The following PIP4K2A variants were observed in gnomAD, a reference collection of about 807,000 sequenced individuals.
PIP4K2A encodes phosphatidylinositol-5-phosphate 4-kinase type 2 alpha.
Under a neutral mutation model 42.9 loss-of-function variants are expected in PIP4K2A, and 14 were observed. The ratio of observed to expected loss-of-function variants is 0.33; its 90% CI spans 0.22 to 0.51. The LOEUF (loss-of-function observed/expected upper bound fraction) is 0.51. Ranked by LOEUF, PIP4K2A falls within the 20% of genes least tolerant of loss-of-function variation. PIP4K2A has a pLI of 0.97. For synonymous variants in PIP4K2A, 192 were observed against 192.2 expected (o/e 1.00, Z 0.01); for missense variants, 434 against 519.8 (o/e 0.83, Z 1.61).
At chr10:22,630,881 A>G (rs1838533019) in intron 1 of PIP4K2A, among the ~76,000 whole-genome samples, 2 of 152,228 alleles carry the variant, frequency 1.3e-5, no homozygotes, top group African/African-American at 4.8e-5. Context: ...CATCCACCCA[A>G]TTAAGCCAGC....
At chr10:22,538,223 T>C (rs1213658609) in intron 9 of PIP4K2A, among the ~76,000 whole-genome samples, 1 of 152,192 alleles carries the variant, frequency 6.6e-6, no homozygotes, top group East Asian at 1.9e-4. Context: ...CACAGCAGCT[T>C]AACACAGCGT....
chr10:22,635,013 C>G (rs1215162647), intron 1 of PIP4K2A, among the ~76,000 whole-genome samples: 1 of 151,810 alleles, frequency 6.6e-6, no homozygotes, highest in Admixed American at 6.6e-5. Flanking sequence ...CAGAAGACTA[C>G]GATGGGGTGG....
chr10:22,610,593 T>A (rs574723830), intron 1 of PIP4K2A, among the ~76,000 whole-genome samples: 2 of 152,332 alleles, frequency 1.3e-5, no homozygotes, highest in South Asian at 2.1e-4. Flanking sequence ...TTGTTTTTTT[T>A]AATCACATTG....
intron 6 of PIP4K2A, among the ~76,000 whole-genome samples, chr10:22,550,980 C>T (rs1380629030): frequency 6.6e-6 from 1 of 152,168 alleles, no homozygotes; most frequent in African/African-American, 2.4e-5. Flanking sequence ...TGGAAGCATT[C>T]GCAAGAGCAG....
chr10:22,540,162 A>G (rs1836067510), intron 8 of PIP4K2A, 88 bp from the exon 9 acceptor site: 1 of 778,386 alleles, frequency 1.3e-6, no homozygotes, highest in African/African-American at 1.7e-5. Context: ...GGGAGAAGTG[A>G]GCCTGGAGGG....
intron 1 of PIP4K2A, among the ~76,000 whole-genome samples, chr10:22,674,436 A>G (rs956765948): frequency 7.3e-5 from 11 of 150,648 alleles, no homozygotes; most frequent in Non-Finnish European, 1.0e-4. Flanking sequence ...AAAAAAAAAA[A>G]AAGAAGACCA....
In PIP4K2A at chr10:22,596,065, C is replaced by T. The variant is rs141112277; in HGVS notation, c.340-4284G>A. On this transcript the variant is annotated intron_variant, in intron 3 of 9. Coordinates refer to ENST00000376573, the MANE Select transcript of PIP4K2A (RefSeq NM_005028.5). ...TACTAAAAATACAAAATTATGCAGG[C>T]GTGGTGGGGCATGCCTGTAATCCCA... is the stretch of plus-strand genomic sequence containing the variant. Among the ~76,000 whole-genome samples the T allele has an allele frequency of 5.4e-3, 805 of 149,048 alleles. 9 individuals are homozygous for T. Among genetic ancestry groups the T allele is most frequent in the African/African-American group, 0.019 (758 of 40,450 alleles).
At chr10:22,679,785 T>C (rs751061198) in intron 1 of PIP4K2A, among the ~76,000 whole-genome samples, 1 of 152,110 alleles carries the variant, frequency 6.6e-6, no homozygotes, top group African/African-American at 2.4e-5. Context: ...GGAAACCTTA[T>C]GCCAAATGAA....
intron 3 of PIP4K2A, among the ~76,000 whole-genome samples, chr10:22,597,113 CAT>C (rs1381257973): frequency 6.6e-6 from 1 of 152,224 alleles, no homozygotes; most frequent in African/African-American, 2.4e-5. Flanking sequence ...CTTTTATTAA[CAT>C]GTGTACAAAG....
At chr10:22,581,929 TGAG>T (rs1837290976) in intron 4 of PIP4K2A, among the ~76,000 whole-genome samples, 1 of 151,932 alleles carries the variant, frequency 6.6e-6, no homozygotes, top group Non-Finnish European at 1.5e-5. Context: ...CTAGGCAACA[TGAG>T]AAGACCCCAT....
intron 1 of PIP4K2A, among the ~76,000 whole-genome samples, chr10:22,670,939 T>C (rs769406738): frequency 2.3e-4 from 35 of 152,146 alleles, no homozygotes; most frequent in Non-Finnish European, 1.0e-4. Context: ...CTGGAATAAA[T>C]TGGCTCAGAG....
chr10:22,616,760 G>C (rs756982268), intron 1 of PIP4K2A, among the ~76,000 whole-genome samples: 3 of 152,188 alleles, frequency 2.0e-5, no homozygotes, highest in Non-Finnish European at 2.9e-5. Context: ...AACTGAATAT[G>C]TACCATGGGC....
Position 22,577,866 on chromosome 10 carries a change from A to C in PIP4K2A, c.493-4409T>G, listed in dbSNP as rs549151394. Among the ~76,000 whole-genome samples the C allele has an allele frequency of 3.9e-5, 6 of 152,334 alleles. No homozygotes were observed. In the South Asian group the frequency reaches 8.3e-4, roughly 21 times the overall value. ...ACACAAAACGCCCTCTCAATTGCAG[A>C]GATGCACGGTCTGGCACCGCCTGGA... On this transcript the variant is annotated intron_variant, in intron 4 of 9. Transcript: ENST00000376573.
In PIP4K2A at chr10:22,611,888, G is replaced by C. The variant is rs138738362; in HGVS notation, c.145-2171C>G. 7.4e-4 allele frequency among the ~76,000 whole-genome samples: 113 copies of C among 152,322 alleles called. 3 individuals carry two copies. Among genetic ancestry groups the C allele is most frequent in the Admixed American group, 6.2e-3 (95 of 15,302 alleles). On this transcript the variant is annotated intron_variant, in intron 1 of 9. Transcript: ENST00000376573. ...ACAAGAGAAAGCGAAACCCAACGTGGAGGTGGGATCAGACACTGATTATTT... is the reference window on the plus strand; with the variant it reads ...ACAAGAGAAAGCGAAACCCAACGTGCAGGTGGGATCAGACACTGATTATTT...
At chr10:22,537,964 G>A (rs928818001) in intron 9 of PIP4K2A, among the ~76,000 whole-genome samples, 3 of 152,210 alleles carry the variant, frequency 2.0e-5, no homozygotes, top group African/African-American at 4.8e-5. Flanking sequence ...CCTGCAGAGA[G>A]CAAGCAAGCC....
chr10:22,707,298 C>T (rs1833839762), intron 1 of PIP4K2A, among the ~76,000 whole-genome samples: 2 of 152,198 alleles, frequency 1.3e-5, no homozygotes, highest in South Asian at 4.1e-4. Flanking sequence ...TGTTCAAGGT[C>T]ACATAGCCAA....
At chr10:22,650,459 C>T (rs557946895) in intron 1 of PIP4K2A, among the ~76,000 whole-genome samples, 5 of 152,140 alleles carry the variant, frequency 3.3e-5, no homozygotes, top group African/African-American at 4.8e-5. Flanking sequence ...GTTGCCCAGG[C>T]TGCCTCAGTT....
chr10:22,575,638 C>G (rs1319126009), intron 4 of PIP4K2A, among the ~76,000 whole-genome samples: 3 of 152,094 alleles, frequency 2.0e-5, no homozygotes, highest in Admixed American at 2.0e-4. Flanking sequence ...TGAAAAGAGA[C>G]AGATCAAATC....
chr10:22,571,949 A>G (rs949984653), intron 5 of PIP4K2A, among the ~76,000 whole-genome samples: 1 of 152,236 alleles, frequency 6.6e-6, no homozygotes, highest in Non-Finnish European at 1.5e-5. Context: ...TTGCTTTTGG[A>G]AAATAGTTAT....
Sources: gnomAD v4.1 joint callset for allele counts (sites outside exome capture counted in the v4.1 genomes callset) on GRCh38, gnomAD v4.1.1 for gene constraint, MANE v1.5 for transcripts, NCBI Gene and HGNC (gene_info 2026-07-23, HGNC 2026-07-21) for gene names.